Variants in NRG1 observed in about 807,000 individuals in gnomAD.
NRG1 encodes neuregulin 1, also known as pro-neuregulin-1, membrane-bound isoform.
NRG1 carries 18 observed loss-of-function variants against 63.8 expected under a neutral mutation model. That is an observed-to-expected ratio of 0.28 (90% confidence interval 0.19 to 0.42). NRG1 has a LOEUF of 0.42. NRG1 is among the 10% of genes least tolerant of loss of function. NRG1 has a pLI of 1.00. For synonymous variants in NRG1, 302 were observed against 301.3 expected, an observed-to-expected ratio of 1.00 and a Z score of -0.02; for missense variants, 762 against 814.7, an observed-to-expected ratio of 0.94 and a Z score of 0.79.
intron 1 of NRG1, among the ~76,000 whole-genome samples, chr8:31,780,490 C>T (rs796287966): frequency 1.1e-4 from 16 of 152,208 alleles, no homozygotes; most frequent in African/African-American, 3.9e-4. Flanking sequence ...TATTCACTGA[C>T]ATTATAAGGG....
chr8:32,059,475 C>T (rs1464167799), intron 1 of NRG1, among the ~76,000 whole-genome samples: 2 of 151,946 alleles, frequency 1.3e-5, no homozygotes, highest in African/African-American at 2.4e-5. Context: ...ATAATACATC[C>T]TAAAGTAACT....
intron 1 of NRG1, among the ~76,000 whole-genome samples, chr8:32,000,494 T>A (rs116271548): frequency 1.9e-4 from 29 of 152,028 alleles, no homozygotes; most frequent in African/African-American, 6.7e-4. Flanking sequence ...CCCAAACTCC[T>A]GGCCTCAAGC....
chr8:31,888,225 A>T (rs937336814), intron 1 of NRG1, among the ~76,000 whole-genome samples: 1 of 152,004 alleles, frequency 6.6e-6, no homozygotes, highest in Middle Eastern at 3.2e-3. Context: ...ACTCACGCTG[A>T]AGTAGCTTTC....
At chr8:32,084,521 A>C (rs7828431) in intron 1 of NRG1, among the ~76,000 whole-genome samples, 127,291 of 152,082 alleles carry the variant, frequency 0.84, 56,036 homozygotes, top group Non-Finnish European at 0.97. Flanking sequence ...GGTTTATTTT[A>C]AGTCTGAATT....
intron 4 of NRG1, among the ~76,000 whole-genome samples, 175 bp from the exon 5 acceptor site, chr8:32,616,660 A>G (rs1392209795): frequency 6.6e-6 from 1 of 152,088 alleles, no homozygotes; most frequent in East Asian, 1.9e-4. Flanking sequence ...GACTATGGTA[A>G]TATTCCTTTG....
At chr8:32,209,574 C>T (rs1003331766) in intron 1 of NRG1, among the ~76,000 whole-genome samples, 1 of 152,024 alleles carries the variant, frequency 6.6e-6, no homozygotes, top group African/African-American at 2.4e-5. Flanking sequence ...AAGAGGGTTT[C>T]GCCAAAAGAT....
chr8:32,037,827 C>T (rs552953289), intron 1 of NRG1, among the ~76,000 whole-genome samples: 16 of 152,306 alleles, frequency 1.1e-4, no homozygotes, highest in African/African-American at 3.6e-4. Flanking sequence ...GTAGCCACCC[C>T]TTCCCCCACC....
intron 1 of NRG1, among the ~76,000 whole-genome samples, chr8:32,470,030 A>ATTT (rs71208185): frequency 2.2e-4 from 29 of 132,652 alleles, no homozygotes; most frequent in South Asian, 7.4e-4. Flanking sequence ...CGCCCAGCTA[A>ATTT]TTTTTTTTTT....
chr8:32,217,027 A>G (rs547888198), intron 1 of NRG1, among the ~76,000 whole-genome samples: 1 of 152,118 alleles, frequency 6.6e-6, no homozygotes, highest in Non-Finnish European at 1.5e-5. Flanking sequence ...AGCCTGGCCA[A>G]CATGGTGAAA....
At chr8:32,497,671 G>C (rs114174205) in intron 1 of NRG1, among the ~76,000 whole-genome samples, 1 of 151,984 alleles carries the variant, frequency 6.6e-6, no homozygotes, top group African/African-American at 2.4e-5. Context: ...GAACTAACAT[G>C]TGTACGTGAC....
At chr8:32,749,747 T>G in intron 7 of NRG1, 1 of 692,614 alleles carries the variant, frequency 1.4e-6, no homozygotes, top group Non-Finnish European at 2.5e-6. Context: ...CAATCTATGA[T>G]TAGTTTACTG....
intron 1 of NRG1, among the ~76,000 whole-genome samples, chr8:32,550,141 T>A (rs1833852541): frequency 2.0e-5 from 3 of 151,940 alleles, no homozygotes. Context: ...GAACAGAGAG[T>A]AATTGTTTCA....
At chr8:32,565,014 G>A (rs1269051107) in intron 1 of NRG1, among the ~76,000 whole-genome samples, 1 of 152,054 alleles carries the variant, frequency 6.6e-6, no homozygotes, top group Non-Finnish European at 1.5e-5. Context: ...AGGGTACAGT[G>A]AACCATGATC....
chr8:32,577,788 CT>C (rs1563689445), intron 1 of NRG1, among the ~76,000 whole-genome samples: 1 of 151,696 alleles, frequency 6.6e-6, no homozygotes, highest in African/African-American at 2.4e-5. Flanking sequence ...CCATCTCTCT[CT>C]TTTTTTTAAA....
At chr8:32,500,237 T>A (rs940099799) in intron 1 of NRG1, among the ~76,000 whole-genome samples, 1 of 152,184 alleles carries the variant, frequency 6.6e-6, no homozygotes, top group Admixed American at 6.5e-5. Flanking sequence ...CAGAATAGAC[T>A]TTTAAAAGCT....
chr8:32,540,891 C>T (rs1832510212), intron 1 of NRG1, among the ~76,000 whole-genome samples: 2 of 140,266 alleles, frequency 1.4e-5, no homozygotes, highest in African/African-American at 5.0e-5. Flanking sequence ...TAATCTTCTG[C>T]ATGGTTGGTC....
chr8:32,282,302 G>T (rs114153631), intron 1 of NRG1, among the ~76,000 whole-genome samples: 4 of 152,274 alleles, frequency 2.6e-5, no homozygotes, highest in South Asian at 2.1e-4. Flanking sequence ...GACATTTTAC[G>T]TAGGACCTTC....
intron 1 of NRG1, among the ~76,000 whole-genome samples, chr8:31,890,530 G>A (rs887682613): frequency 6.6e-6 from 1 of 152,076 alleles, no homozygotes; most frequent in African/African-American, 2.4e-5. Context: ...GAGGGAAAAA[G>A]CACAATAAAT....
At chr8:31,891,998 G>T (rs758945847) in intron 1 of NRG1, among the ~76,000 whole-genome samples, 2 of 152,084 alleles carry the variant, frequency 1.3e-5, no homozygotes, top group Non-Finnish European at 2.9e-5. Context: ...TAAGTAAAGT[G>T]GGAGGAAAGT....
Sources: gnomAD v4.1 joint callset for allele counts (sites outside exome capture counted in the v4.1 genomes callset) on GRCh38, gnomAD v4.1.1 for gene constraint, MANE v1.5 for transcripts, NCBI Gene and HGNC (gene_info 2026-07-23, HGNC 2026-07-21) for gene names.